Variants in TFCP2 observed in about 807,000 individuals in gnomAD.
The protein encoded by TFCP2 is alpha-globin transcription factor CP2.
TFCP2 carries 33 observed loss-of-function variants against 73.4 expected under a neutral mutation model. The ratio of observed to expected loss-of-function variants is 0.45; its 90% CI spans 0.34 to 0.60. The LOEUF is 0.60. TFCP2 is among the 20% of genes least tolerant of loss of function. The pLI, the probability that TFCP2 is intolerant of heterozygous loss-of-function variation, is 0.01. For synonymous variants in TFCP2, 193 were observed against 211.6 expected (o/e 0.91, Z 0.76); for missense variants, 352 against 604.0 (o/e 0.58, Z 4.37).
chr12:51,101,706 T>A (rs1157275437), intron 11 of TFCP2, among the ~76,000 whole-genome samples: 1 of 152,190 alleles, frequency 6.6e-6, no homozygotes, highest in Non-Finnish European at 1.5e-5. Context: ...TGATGAATTT[T>A]CATTGGAAAA....
intron 1 of TFCP2, among the ~76,000 whole-genome samples, chr12:51,130,935 C>A (rs760123089): frequency 4.0e-5 from 6 of 151,892 alleles, no homozygotes; most frequent in Non-Finnish European, 8.8e-5. Context: ...TTGCAGTGAG[C>A]CGAGATTGCG....
chr12:51,123,111 C>G (rs2136991220), intron 1 of TFCP2, among the ~76,000 whole-genome samples: 1 of 152,286 alleles, frequency 6.6e-6, no homozygotes, highest in Admixed American at 6.5e-5. Flanking sequence ...GGCATTACAC[C>G]TAACCCATGA....
intron 4 of TFCP2, among the ~76,000 whole-genome samples, chr12:51,112,866 C>CAA (rs11362530): frequency 1.0e-3 from 114 of 111,456 alleles, no homozygotes; most frequent in South Asian, 1.9e-3. Context: ...GACTCTGTCT[C>CAA]AAAAAAAAAA....
intron 5 of TFCP2, 105 bp downstream of exon 5, chr12:51,110,772 G>T: frequency 1.1e-6 from 1 of 870,744 alleles, no homozygotes; most frequent in Non-Finnish European, 1.9e-6. Context: ...AGTCAGGCTA[G>T]AACCCTGTAA....
chr12:51,123,429 G>C (rs1940730802), intron 1 of TFCP2, among the ~76,000 whole-genome samples: 1 of 152,120 alleles, frequency 6.6e-6, no homozygotes, highest in South Asian at 2.1e-4. Flanking sequence ...AGTGCATCCA[G>C]AAAGAAACAA....
At chr12:51,104,844 TG>T (rs1940190968) in intron 8 of TFCP2, among the ~76,000 whole-genome samples, 1 of 151,504 alleles carries the variant, frequency 6.6e-6, no homozygotes, top group Non-Finnish European at 1.5e-5. Context: ...ACCGAGTAGC[TG>T]GGACTACAGG....
chr12:51,161,760 C>CAAAAAAAAAAAA (rs60679909), intron 1 of TFCP2, among the ~76,000 whole-genome samples: 1 of 76,222 alleles, frequency 1.3e-5, no homozygotes, highest in East Asian at 3.9e-4. Context: ...GACTCCATAT[C>CAAAAAAAAAAAA]AAAAAAAAAA....
chr12:51,118,124 A>G (rs1940575959), intron 2 of TFCP2, among the ~76,000 whole-genome samples: 1 of 152,232 alleles, frequency 6.6e-6, no homozygotes, highest in Admixed American at 6.5e-5. Flanking sequence ...TGGACACTAA[A>G]AATGGACAGC....
chr12:51,107,432 T>C, intron 6 of TFCP2, 86 bp from the exon 7 acceptor site: 1 of 1,076,970 alleles, frequency 9.3e-7, no homozygotes, highest in Non-Finnish European at 1.4e-6. Context: ...TATTCATGTA[T>C]GAAACAAAAT....
Position 51,109,253 on chromosome 12 carries a change from C to T in TFCP2, c.585G>A (p.Glu195=), listed in dbSNP as rs146794902. The change falls in exon 6 of 15, where the codon GAG becomes GAA. Residue 195 remains glutamate, a synonymous_variant. Coordinates refer to ENST00000257915, the MANE Select transcript of TFCP2 (RefSeq NM_005653.5). The part of the protein sequence containing the change: ...VFIQVHCIST[E]FTMRKHGGEK... ...CTCCACCATGTTTCCTCATAGTGAA[C>T]TCTGTGCTAATACAGTGCACCTGAA... The T allele has an allele frequency of 2.5e-6, 4 of 1,614,188 alleles. No individual in the cohort carries two copies. In the Admixed American group the frequency reaches 5.0e-5, roughly 20 times the overall value.
At chr12:51,096,064 G>T in intron 13 of TFCP2, 24 bp from the exon 14 acceptor site, 1 of 1,606,328 alleles carries the variant, frequency 6.2e-7, no homozygotes, top group Non-Finnish European at 8.5e-7. Context: ...GAAAATTTGT[G>T]ATTATTTAAA....
intron 1 of TFCP2, among the ~76,000 whole-genome samples, chr12:51,125,961 T>A (rs1352385073): frequency 6.6e-6 from 1 of 152,052 alleles, no homozygotes; most frequent in African/African-American, 2.4e-5. Context: ...CCAGGCACGG[T>A]GGCTCACGCC....
intron 1 of TFCP2, among the ~76,000 whole-genome samples, chr12:51,125,539 A>AAT (rs1322744306): frequency 6.6e-6 from 1 of 152,238 alleles, no homozygotes; most frequent in Admixed American, 6.5e-5. Flanking sequence ...AAAGTAACTA[A>AAT]TATACTCTGT....
At chr12:51,160,943 C>T (rs981676133) in intron 1 of TFCP2, among the ~76,000 whole-genome samples, 2 of 152,144 alleles carry the variant, frequency 1.3e-5, no homozygotes, top group Non-Finnish European at 2.9e-5. Flanking sequence ...TTATGTGTTT[C>T]GTTCACTACT....
At chr12:51,124,605 G>A (rs535730085) in intron 1 of TFCP2, 14 of 521,824 alleles carry the variant, frequency 2.7e-5, no homozygotes, top group South Asian at 1.4e-4. Context: ...CCGGAGGAGC[G>A]GACTGCCCCG....
At chr12:51,130,873 G>C (rs1940928006) in intron 1 of TFCP2, among the ~76,000 whole-genome samples, 1 of 151,886 alleles carries the variant, frequency 6.6e-6, no homozygotes, top group African/African-American at 2.4e-5. Context: ...TGTAATCCCA[G>C]CTACTCGAGA....
chr12:51,142,432 C>A (rs1941214918), intron 1 of TFCP2, among the ~76,000 whole-genome samples: 2 of 151,764 alleles, frequency 1.3e-5, no homozygotes, highest in Admixed American at 6.6e-5. Context: ...TTAATTAAAT[C>A]TCTCATACAT....
chr12:51,126,936 G>T (rs7342309), intron 1 of TFCP2, among the ~76,000 whole-genome samples: 1 of 152,236 alleles, frequency 6.6e-6, no homozygotes, highest in African/African-American at 2.4e-5. Context: ...TCAGGGAGGA[G>T]ACCTGGCAAG....
chr12:51,132,218 G>A (rs1019491522), intron 1 of TFCP2, among the ~76,000 whole-genome samples: 5 of 152,052 alleles, frequency 3.3e-5, no homozygotes, highest in African/African-American at 9.7e-5. Flanking sequence ...CTCCAAAGAC[G>A]GTCTCAGATG....
Sources: allele counts gnomAD v4.1 joint callset (sites outside exome capture counted in the v4.1 genomes callset), GRCh38; gene constraint gnomAD v4.1.1; transcripts MANE v1.5; gene names NCBI Gene and HGNC (gene_info 2026-07-23, HGNC 2026-07-21).